TRPM1: variants seen among roughly 807,000 people sequenced by gnomAD.
The protein encoded by TRPM1 is transient receptor potential cation channel subfamily M member 1.
In TRPM1, 113 loss-of-function variants were observed where a neutral mutation model predicts 149.4. The ratio of observed to expected loss-of-function variants is 0.76; its 90% CI spans 0.65 to 0.88. The LOEUF (loss-of-function observed/expected upper bound fraction) is 0.88, where lower values mean the gene tolerates loss of function less well. Ranked by LOEUF, TRPM1 falls within the 40% of genes least tolerant of loss-of-function variation. The pLI is 0.00. For synonymous variants in TRPM1, 741 were observed against 759.5 expected (o/e 0.98, Z 0.40); for missense variants, 1,976 against 2,038.7 (o/e 0.97, Z 0.59).
At position 31,037,695 on chromosome 15, in the gene TRPM1, C is replaced by T. The variant is rs2140923521; in HGVS notation, c.2571+16G>A. ...CAAAATATACTGAATGTCAAATGTTCAGGAGGAGGCCTCACTGTGTAAAAC... is the reference window on the plus strand; with the variant it reads ...CAAAATATACTGAATGTCAAATGTTTAGGAGGAGGCCTCACTGTGTAAAAC... On this transcript the variant is annotated intron_variant, in intron 20 of 27. Transcript: ENST00000256552. 3 of 1,614,182 alleles carry T rather than the reference C, an allele frequency of 1.9e-6. No homozygotes were observed. Among genetic ancestry groups the T allele is most frequent in the Middle Eastern group, 3.3e-4 (2 of 6,062 alleles).
At chr15:31,047,300 T>C in intron 14 of TRPM1, 49 bp from the exon 15 acceptor site, 1 of 1,612,274 alleles carries the variant, frequency 6.2e-7, no homozygotes. Context: ...GTTCGCAGTG[T>C]GGACTTCATC....
At chr15:31,003,808 G>C (rs1272143728) in intron 27 of TRPM1, among the ~76,000 whole-genome samples, 2 of 151,080 alleles carry the variant, frequency 1.3e-5, no homozygotes, top group African/African-American at 2.4e-5. Context: ...ATTTCCTTAA[G>C]GTTACACACA....
At chr15:31,080,089 T>G (rs1227383532) in intron 2 of TRPM1, among the ~76,000 whole-genome samples, 1 of 152,076 alleles carries the variant, frequency 6.6e-6, no homozygotes, top group African/African-American at 2.4e-5. Flanking sequence ...TAAATACATA[T>G]GTAAATAAAC....
chr15:31,109,333 C>CAA (rs36072024), intron 1 of TRPM1, among the ~76,000 whole-genome samples: 493 of 32,272 alleles, frequency 0.015, 59 homozygotes, highest in Non-Finnish European at 0.024. Flanking sequence ...GACTCTGCCT[C>CAA]AAAAAAAAAA....
intron 1 of TRPM1, among the ~76,000 whole-genome samples, chr15:31,155,863 C>T (rs893017185): frequency 6.6e-6 from 1 of 152,084 alleles, no homozygotes; most frequent in Non-Finnish European, 1.5e-5. Flanking sequence ...ATGTGACTTA[C>T]TTTCCAACCT....
chr15:31,105,458 TGTGTGTGTGTGTGTGCGCGCGC>T (rs950516606), upstream of TRPM1, among the ~76,000 whole-genome samples: 6 of 86,588 alleles, frequency 6.9e-5, no homozygotes, highest in Admixed American at 2.1e-4. Flanking sequence ...TGTGTGTGTG[TGTGTGTGTGTGTGTGCGCGCGC>T]GCGCGCGTGC....
chr15:31,113,432 GTTTTTT>G (rs3080947), intron 1 of TRPM1, among the ~76,000 whole-genome samples: 3 of 149,482 alleles, frequency 2.0e-5, no homozygotes, highest in South Asian at 2.1e-4. Flanking sequence ...AGCTCTGACA[GTTTTTT>G]TTTTTTCAAA....
At chr15:31,102,949 G>A (rs1443555013), upstream of TRPM1, among the ~76,000 whole-genome samples, 1 of 152,174 alleles carries the variant, frequency 6.6e-6, no homozygotes, top group Non-Finnish European at 1.5e-5. Flanking sequence ...CGGCTTCAGC[G>A]GGAACCCTTC....
At chr15:31,060,424 ATCAT>A in intron 11 of TRPM1, 116 bp downstream of exon 11, 1 of 831,140 alleles carries the variant, frequency 1.2e-6, no homozygotes. Flanking sequence ...TAGATTACAT[ATCAT>A]ATCATCAGAA....
chr15:31,140,132 C>T (rs975283396), intron 1 of TRPM1, among the ~76,000 whole-genome samples: 9 of 150,398 alleles, frequency 6.0e-5, no homozygotes, highest in African/African-American at 2.0e-4. Context: ...TCTGGGAGGC[C>T]GTGGTGGGTG....
intron 3 of TRPM1, among the ~76,000 whole-genome samples, chr15:31,075,189 A>G (rs1036888616): frequency 2.0e-5 from 3 of 152,094 alleles, no homozygotes; most frequent in African/African-American, 7.2e-5. Context: ...GTTAAGCCTA[A>G]TTGGTTTATG....
intron 1 of TRPM1, among the ~76,000 whole-genome samples, chr15:31,125,671 A>G (rs2141037939): frequency 1.6e-5 from 2 of 124,584 alleles, no homozygotes; most frequent in East Asian, 5.7e-4. Flanking sequence ...CGGAGCTTGC[A>G]GTGAGCCGAG....
chr15:31,153,664 A>T (rs2036332021), intron 1 of TRPM1, among the ~76,000 whole-genome samples: 5 of 152,260 alleles, frequency 3.3e-5, no homozygotes, highest in Middle Eastern at 3.4e-3. Flanking sequence ...ACCAATCGCC[A>T]GTCAGAAAAT....
intron 24 of TRPM1, 76 bp from the exon 25 acceptor site, chr15:31,028,552 C>A: frequency 1.3e-6 from 2 of 1,491,222 alleles, no homozygotes; most frequent in South Asian, 2.3e-5. Context: ...ATATGTTTTT[C>A]AATACCTATT....
intron 1 of TRPM1, among the ~76,000 whole-genome samples, chr15:31,087,059 A>C (rs980380395): frequency 3.3e-5 from 5 of 151,960 alleles, no homozygotes; most frequent in Non-Finnish European, 4.4e-5. Flanking sequence ...GGATACTCTG[A>C]AAAAACAGGA....
intron 16 of TRPM1, chr15:31,042,444 A>C: frequency 1.5e-6 from 1 of 645,432 alleles, no homozygotes; most frequent in Non-Finnish European, 2.6e-6. Flanking sequence ...CTAAAACCAA[A>C]TGAACTGAGA....
intron 1 of TRPM1, among the ~76,000 whole-genome samples, chr15:31,123,629 T>TA (rs2035907580): frequency 6.6e-6 from 1 of 152,192 alleles, no homozygotes; most frequent in African/African-American, 2.4e-5. Context: ...CATTTGTTAT[T>TA]GGGAATATAA....
chr15:31,092,344 G>A (rs1214665346), intron 1 of TRPM1, among the ~76,000 whole-genome samples: 1 of 152,100 alleles, frequency 6.6e-6, no homozygotes, highest in African/African-American at 2.4e-5. Context: ...TACGAACGAA[G>A]AAACTGGGGC....
rs556049278 is a variant in TRPM1 at position 31,027,172 on chromosome 15, C to T, written c.3294-55G>A. 4.5e-6 allele frequency: 7 copies of T among 1,546,384 alleles called. No homozygotes were observed. The East Asian group carries it at 1.6e-4, about 35-fold the overall frequency. On this transcript the variant is annotated intron_variant, in intron 25 of 27. Coordinates refer to ENST00000256552, the MANE Select transcript of TRPM1 (RefSeq NM_001252024.2). ...TTATATTACTTTTTATAGTGATTTC[C>T]CAGAGCAGTCAAAGTTACTCACATT... is the stretch of plus-strand genomic sequence containing the variant.
Sources: gnomAD v4.1 joint callset for allele counts (sites outside exome capture counted in the v4.1 genomes callset) on GRCh38, gnomAD v4.1.1 for gene constraint, MANE v1.5 for transcripts, NCBI Gene and HGNC (gene_info 2026-07-23, HGNC 2026-07-21) for gene names.